CLIP1: variants seen among roughly 807,000 people sequenced by gnomAD.
CLIP1 encodes CAP-Gly domain-containing linker protein 1.
A neutral mutation model predicts 161.6 loss-of-function variants in CLIP1; 66 were observed. The observed-to-expected ratio is 0.41, with a 90% confidence interval of 0.33 to 0.50. The LOEUF (loss-of-function observed/expected upper bound fraction) is 0.50. Among genes scored for constraint, CLIP1 ranks in the 20% least tolerant of loss-of-function variants. The pLI is 0.27. For synonymous variants in CLIP1, 598 were observed against 626.2 expected (o/e 0.96, Z 0.67); for missense variants, 1,376 against 1,702.0 (o/e 0.81, Z 3.37).
intron 11 of CLIP1, among the ~76,000 whole-genome samples, chr12:122,337,458 A>AG (rs1566135641): frequency 3.0e-4 from 11 of 36,896 alleles, no homozygotes; most frequent in Non-Finnish European, 2.0e-4. Context: ...AAAAAAAAAA[A>AG]AAAGAAAGAA....
intron 1 of CLIP1, among the ~76,000 whole-genome samples, chr12:122,418,224 T>C (rs1480512304): frequency 6.6e-6 from 1 of 152,144 alleles, no homozygotes; most frequent in Non-Finnish European, 1.5e-5. Flanking sequence ...TGGCACACGG[T>C]ACATGCTCAA....
intron 20 of CLIP1, among the ~76,000 whole-genome samples, chr12:122,303,366 C>A (rs1950759285): frequency 6.6e-6 from 1 of 152,110 alleles, no homozygotes; most frequent in Non-Finnish European, 1.5e-5. Flanking sequence ...GATGGCTCTA[C>A]CTAGACCTTC....
intron 4 of CLIP1, among the ~76,000 whole-genome samples, chr12:122,362,340 G>T (rs1204743479): frequency 1.3e-5 from 2 of 151,338 alleles, no homozygotes; most frequent in African/African-American, 4.9e-5. Context: ...CTAACATACA[G>T]GAAAAATCTA....
At position 122,321,290 on chromosome 12, in the gene CLIP1, G is replaced by A. The variant is rs547607511; in HGVS notation, c.3250-1942C>T. Among the ~76,000 whole-genome samples the A allele has an allele frequency of 1.6e-3, 235 of 151,242 alleles. 2 individuals carry two copies. Among genetic ancestry groups the A allele is most frequent in the Admixed American group, 2.6e-3 (40 of 15,178 alleles). ...CAGAGTTTTTCACTCTTGTTGCCCA[G>A]GCTGGAGTGCAATGGCGCAAGCTCG... On this transcript the variant is annotated intron_variant, in intron 17 of 25. Coordinates refer to ENST00000620786, the MANE Select transcript of CLIP1 (RefSeq NM_001247997.2).
intron 20 of CLIP1, among the ~76,000 whole-genome samples, chr12:122,300,544 A>G (rs1221883425): frequency 1.3e-5 from 2 of 152,090 alleles, no homozygotes; most frequent in Non-Finnish European, 2.9e-5. Flanking sequence ...TAAGAGGTTT[A>G]TTTCATTTTC....
chr12:122,411,802 A>G (rs1331322953), intron 1 of CLIP1, among the ~76,000 whole-genome samples: 1 of 152,174 alleles, frequency 6.6e-6, no homozygotes, highest in East Asian at 1.9e-4. Flanking sequence ...TAATGGATAC[A>G]TGATTTCTTC....
intron 3 of CLIP1, chr12:122,365,428 G>A: frequency 1.3e-6 from 1 of 784,726 alleles, no homozygotes; most frequent in Admixed American, 1.7e-5. Flanking sequence ...ATGTGCGTAT[G>A]GAGCACATTA....
chr12:122,417,332 G>A (rs1300069812), intron 1 of CLIP1, among the ~76,000 whole-genome samples: 1 of 151,866 alleles, frequency 6.6e-6, no homozygotes, highest in South Asian at 2.1e-4. Flanking sequence ...CTTACTGTGT[G>A]TGGTGGTACA....
Position 122,352,434 on chromosome 12 carries a change from T to C in CLIP1, c.1368+292A>G, listed in dbSNP as rs184876081. Reference sequence around the variant, plus strand: ...AACACCATTAAGTCTCACTTAGGACTGCTTTAAATTGAGGACACACTGCCA... The same window carrying C: ...AACACCATTAAGTCTCACTTAGGACCGCTTTAAATTGAGGACACACTGCCA... On this transcript the variant is annotated intron_variant, in intron 8 of 25. Transcript: ENST00000620786. 2.0e-5 allele frequency among the ~76,000 whole-genome samples: 3 copies of C among 152,294 alleles called. No homozygotes were observed. In the East Asian group the frequency reaches 5.8e-4, roughly 29 times the overall value.
intron 4 of CLIP1, among the ~76,000 whole-genome samples, chr12:122,363,495 C>CA (rs528966555): frequency 0.032 from 3,525 of 110,340 alleles, 49 homozygotes; most frequent in African/African-American, 0.048. Context: ...GGCCCTGTCT[C>CA]AAAAAAAAAA....
At chr12:122,333,952 T>C in intron 14 of CLIP1, 75 bp downstream of exon 14, 2 of 872,092 alleles carry the variant, frequency 2.3e-6, no homozygotes, top group Non-Finnish European at 3.8e-6. Context: ...ATTTGTTATG[T>C]AACATACTAC....
In CLIP1 at chr12:122,341,140, A is replaced by G. The variant is rs779049035; in HGVS notation, c.2064T>C (p.His688=). ...QNQQDSERAA[H]AKEMEALRAK... is the part of the protein sequence containing the mutation. ...CCCTCAAGGCTTCCATCTCTTTAGC[A>G]TGGGCAGCCCGTTCAGAGTCTTGTT... Residue 688 remains histidine (H), a synonymous_variant, in exon 11 of 26, where the codon CAT becomes CAC. Transcript: ENST00000620786. The G allele has an allele frequency of 5.6e-6, 9 of 1,614,006 alleles. No homozygotes were observed. Among genetic ancestry groups the G allele is most frequent in the African/African-American group, 1.3e-5 (1 of 74,900 alleles).
At chr12:122,357,217 C>G (rs1167299100) in intron 5 of CLIP1, among the ~76,000 whole-genome samples, 2 of 150,858 alleles carry the variant, frequency 1.3e-5, no homozygotes, top group Non-Finnish European at 3.0e-5. Flanking sequence ...GGCCGCCCAT[C>G]GTCTGAGATG....
At position 122,364,246 on chromosome 12, in the gene CLIP1, A is replaced by G. The variant is rs548805419; in HGVS notation, c.658-139T>C. 3.0e-5 allele frequency: 31 copies of G among 1,026,800 alleles called. 1 individual carries two copies. The South Asian group carries it at 4.5e-4, about 15-fold the overall frequency. The allele number at this position is 1,026,800 out of a possible 1,614,324, so 63.6% of individuals were successfully genotyped here. On this transcript the variant is annotated intron_variant, in intron 3 of 25. Transcript: ENST00000620786. The stretch of plus-strand genomic sequence containing the variant: ...TTGCTTTAGCTTCTCTTTGACTCTA[A>G]GAGTTCTCTTGAAGGAAGTCTGGCA...
In CLIP1 at chr12:122,356,410, G is replaced by A. The variant is rs968926655; in HGVS notation, c.1006-1098C>T. On this transcript the variant is annotated intron_variant, in intron 5 of 25. Coordinates refer to ENST00000620786, the MANE Select transcript of CLIP1 (RefSeq NM_001247997.2). ...CCTACAGTCCTTTCAATAACATCAT[G>A]TACTTTCAAAGCTGGGTTTTGGCTA... Among the ~76,000 whole-genome samples, 11 of 152,286 alleles carry A rather than the reference G, an allele frequency of 7.2e-5. No homozygotes were observed. The East Asian group carries it at 2.1e-3, about 29-fold the overall frequency.
At chr12:122,402,733 G>A (rs573090009) in intron 1 of CLIP1, among the ~76,000 whole-genome samples, 2 of 152,214 alleles carry the variant, frequency 1.3e-5, no homozygotes, top group African/African-American at 2.4e-5. Context: ...CTGAGATAGC[G>A]CCACTGTACT....
intron 1 of CLIP1, chr12:122,395,707 A>G (rs919856636): frequency 6.6e-6 from 1 of 152,226 alleles, no homozygotes; most frequent in African/African-American, 2.4e-5. Flanking sequence ...GCTGAACACC[A>G]GTCATGTACG....
chr12:122,272,886 C>T lies in CLIP1; in HGVS notation c.4306G>A (p.Glu1436Lys), dbSNP rs1592944797. Residue 1436 changes from glutamate (E) to lysine (K), a missense_variant, in exon 26 of 26, where the codon GAA becomes AAA. Coordinates refer to ENST00000620786, the MANE Select transcript of CLIP1 (RefSeq NM_001247997.2). ...CACTGGAGGCTTCATCAGAAGGTTT[C>T]GTCGTCATTGCAGTTGGTGGCCCAG... ...GHWATNCNDD[E>K]TF 6.8e-6 allele frequency: 11 copies of T among 1,614,162 alleles called. No individual in the cohort carries two copies. Among genetic ancestry groups the T allele is most frequent in the Non-Finnish European group, 9.3e-6 (11 of 1,180,012 alleles).
intron 10 of CLIP1, among the ~76,000 whole-genome samples, chr12:122,346,140 TG>T (rs1451269385): frequency 2.0e-5 from 3 of 152,192 alleles, no homozygotes; most frequent in Non-Finnish European, 2.9e-5. Flanking sequence ...CTCCATCCTG[TG>T]GTGCTTAAGA....
Sources: allele counts gnomAD v4.1 joint callset (sites outside exome capture counted in the v4.1 genomes callset), GRCh38; gene constraint gnomAD v4.1.1; transcripts MANE v1.5; gene names NCBI Gene and HGNC (gene_info 2026-07-23, HGNC 2026-07-21).